EPC2: variants seen among roughly 807,000 people sequenced by gnomAD.
The protein encoded by EPC2 is enhancer of polycomb homolog 2.
In EPC2, 14 loss-of-function variants were observed where a neutral mutation model predicts 92.1. The observed-to-expected ratio is 0.15, with a 90% CI of 0.10 to 0.24. The LOEUF is 0.24. Among genes scored for constraint, EPC2 ranks in the 10% least tolerant of loss-of-function variants. EPC2 has a pLI of 1.00. For synonymous variants in EPC2, 340 were observed against 334.7 expected, an observed-to-expected ratio of 1.02 and a Z score of -0.17; for missense variants, 755 against 971.5, an observed-to-expected ratio of 0.78 and a Z score of 2.96.
intron 2 of EPC2, among the ~76,000 whole-genome samples, chr2:148,722,820 C>T (rs1371743830): frequency 1.3e-5 from 2 of 152,202 alleles, no homozygotes; most frequent in African/African-American, 4.8e-5. Context: ...GGTACATATA[C>T]ACGATACATA....
At chr2:148,692,164 G>A (rs767877737) in intron 2 of EPC2, 9 of 219,724 alleles carry the variant, frequency 4.1e-5, no homozygotes, top group African/African-American at 1.4e-4. Context: ...CCTTGGATGT[G>A]CTATTGAAGT....
rs541085335 is a variant in EPC2 at position 148,777,884 on chromosome 2, G to GT, written c.1721-3759dup. ...AGATTTGTAGAAGATAGCCAGAAAG[G>GT]TGAGGGGCTTTCGTGAAAAACAGAC... On this transcript the variant is annotated intron_variant, in intron 10 of 13. Transcript: ENST00000258484. Among the ~76,000 whole-genome samples the GT allele has an allele frequency of 5.1e-4, 77 of 152,286 alleles. No individual in the cohort carries two copies. In the East Asian group the frequency reaches 0.014, roughly 28 times the overall value.
chr2:148,705,595 A>G (rs2105380211), intron 2 of EPC2, among the ~76,000 whole-genome samples: 1 of 152,146 alleles, frequency 6.6e-6, no homozygotes, highest in South Asian at 2.1e-4. Context: ...CTGACACCTC[A>G]TACAACTGGG....
In EPC2 at chr2:148,657,884, T is replaced by TTGTGTG. The variant is rs35739873; in HGVS notation, c.153+12732_153+12737dup. Among the ~76,000 whole-genome samples, 281 of 149,734 alleles carry TTGTGTG rather than the reference T, an allele frequency of 1.9e-3. 2 individuals carry two copies. Among genetic ancestry groups the TTGTGTG allele is most frequent in the South Asian group, 6.6e-3 (31 of 4,730 alleles). On this transcript the variant is annotated intron_variant, in intron 1 of 13. Coordinates refer to ENST00000258484, the MANE Select transcript of EPC2 (RefSeq NM_015630.4). ...AATGTTTTTTTGACTATCACTCATT[T>TTGTGTG]TGTGTGTGTGTGTGTGTGTGTGTAA...
chr2:148,651,257 T>C (rs1680676476), intron 1 of EPC2, among the ~76,000 whole-genome samples: 1 of 152,206 alleles, frequency 6.6e-6, no homozygotes, highest in Non-Finnish European at 1.5e-5. Context: ...TCTTCCATGT[T>C]AGATGCTTTC....
intron 2 of EPC2, among the ~76,000 whole-genome samples, chr2:148,696,056 C>T (rs1681739874): frequency 6.6e-6 from 1 of 152,174 alleles, no homozygotes; most frequent in Non-Finnish European, 1.5e-5. Context: ...TATTCTTGGG[C>T]AAAGCTGTGA....
chr2:148,771,004 A>G, intron 9 of EPC2, 40 bp from the exon 10 acceptor site: 1 of 1,593,484 alleles, frequency 6.3e-7, no homozygotes, highest in Non-Finnish European at 8.5e-7. Context: ...GAACATGTTC[A>G]GCTCTCTCAG....
At chr2:148,657,358 A>G (rs540169740) in intron 1 of EPC2, among the ~76,000 whole-genome samples, 16 of 152,246 alleles carry the variant, frequency 1.1e-4, no homozygotes, top group East Asian at 7.7e-4. Flanking sequence ...CCACCTTGCA[A>G]AATTCATCAA....
intron 2 of EPC2, among the ~76,000 whole-genome samples, chr2:148,695,573 T>C (rs1016203875): frequency 6.6e-6 from 1 of 152,224 alleles, no homozygotes; most frequent in Non-Finnish European, 1.5e-5. Flanking sequence ...TCAGTCTCAT[T>C]ATCCTTGGAA....
At chr2:148,675,501 T>C (rs529097590) in intron 1 of EPC2, among the ~76,000 whole-genome samples, 2 of 152,324 alleles carry the variant, frequency 1.3e-5, no homozygotes, top group African/African-American at 4.8e-5. Context: ...TTTTTTTAGA[T>C]TTGAGGTATT....
intron 2 of EPC2, among the ~76,000 whole-genome samples, chr2:148,728,764 A>G (rs776645801): frequency 2.7e-5 from 4 of 150,562 alleles, no homozygotes; most frequent in Admixed American, 1.3e-4. Context: ...CGGGCACGGT[A>G]GCTCACGCCT....
chr2:148,738,520 A>G (rs946043494), intron 2 of EPC2, among the ~76,000 whole-genome samples: 2 of 152,222 alleles, frequency 1.3e-5, no homozygotes, highest in African/African-American at 4.8e-5. Flanking sequence ...ATTGGTTTAC[A>G]TTCAGTCTAT....
At chr2:148,748,959 ATCT>A (rs948563439) in intron 3 of EPC2, among the ~76,000 whole-genome samples, 1 of 152,156 alleles carries the variant, frequency 6.6e-6, no homozygotes, top group Non-Finnish European at 1.5e-5. Flanking sequence ...TTAAAAATTC[ATCT>A]TCTTAAAAAA....
chr2:148,719,312 A>G (rs1409207415), intron 2 of EPC2, among the ~76,000 whole-genome samples: 1 of 152,154 alleles, frequency 6.6e-6, no homozygotes, highest in Non-Finnish European at 1.5e-5. Context: ...TTTGGAGGAA[A>G]AGGACACTCT....
intron 1 of EPC2, among the ~76,000 whole-genome samples, chr2:148,660,261 G>T (rs1379887404): frequency 6.6e-6 from 1 of 152,204 alleles, no homozygotes; most frequent in East Asian, 1.9e-4. Context: ...TTTCAGGAAA[G>T]AATTTCTTTA....
At chr2:148,708,572 G>T (rs1418683201) in intron 2 of EPC2, among the ~76,000 whole-genome samples, 1 of 152,210 alleles carries the variant, frequency 6.6e-6, no homozygotes, top group Admixed American at 6.5e-5. Flanking sequence ...TATCCCTGAT[G>T]AACATTGATG....
intron 4 of EPC2, 54 bp from the exon 5 acceptor site, chr2:148,761,728 C>A: frequency 1.6e-6 from 2 of 1,251,896 alleles, no homozygotes; most frequent in Non-Finnish European, 2.1e-6. Context: ...TGAATAAAGC[C>A]GGAAATGTAG....
chr2:148,663,810 T>G (rs908224599), intron 1 of EPC2, among the ~76,000 whole-genome samples: 1 of 152,048 alleles, frequency 6.6e-6, no homozygotes, highest in African/African-American at 2.4e-5. Flanking sequence ...CATTAGATTT[T>G]CATAAGGAAT....
intron 10 of EPC2, among the ~76,000 whole-genome samples, chr2:148,771,841 C>CA (rs1683527671): frequency 6.6e-6 from 1 of 151,724 alleles, no homozygotes; most frequent in Admixed American, 6.6e-5. Context: ...CTGTGTCGCC[C>CA]AGGCTGGAGT....
Sources: allele counts gnomAD v4.1 joint callset (sites outside exome capture counted in the v4.1 genomes callset), GRCh38; gene constraint gnomAD v4.1.1; transcripts MANE v1.5; gene names NCBI Gene and HGNC (gene_info 2026-07-23, HGNC 2026-07-21).